The following UBE2E3 variants were observed in gnomAD, a reference collection of about 807,000 sequenced individuals.
UBE2E3 encodes the protein ubiquitin conjugating enzyme E2 E3, also known as ubiquitin-conjugating enzyme E2 E3.
In UBE2E3, 5 loss-of-function variants were observed where a neutral mutation model predicts 23.6. That is an observed-to-expected ratio of 0.21 (90% CI 0.11 to 0.44). UBE2E3 has a LOEUF of 0.44. Ranked by LOEUF, UBE2E3 falls within the 20% of genes least tolerant of loss-of-function variation. The probability of loss-of-function intolerance (pLI) is 0.99; values close to 1 mark genes in which losing one functional copy is unlikely to be tolerated. For synonymous variants in UBE2E3, 78 were observed against 87.5 expected, an observed-to-expected ratio of 0.89 and a Z score of 0.60; for missense variants, 81 against 249.8, an observed-to-expected ratio of 0.32 and a Z score of 4.55.
chr2:180,993,593 C>A (rs1047091220), intron 3 of UBE2E3, among the ~76,000 whole-genome samples: 2 of 152,134 alleles, frequency 1.3e-5, no homozygotes, highest in Non-Finnish European at 2.9e-5. Context: ...TCATGATCCC[C>A]CTTTACATCC....
chr2:180,995,870 A>G (rs527244897), intron 3 of UBE2E3, among the ~76,000 whole-genome samples: 2 of 152,146 alleles, frequency 1.3e-5, no homozygotes, highest in Non-Finnish European at 2.9e-5. Context: ...GTTAGCAGCC[A>G]TTGGAATACA....
intron 2 of UBE2E3, 84 bp from the exon 3 acceptor site, chr2:180,983,959 C>G: frequency 9.3e-7 from 1 of 1,075,074 alleles, no homozygotes; most frequent in Non-Finnish European, 1.3e-6. Flanking sequence ...CATTTAACTG[C>G]ATGGTGGTAG....
At chr2:181,044,441 C>T (rs1443467866) in intron 3 of UBE2E3, among the ~76,000 whole-genome samples, 1 of 151,954 alleles carries the variant, frequency 6.6e-6, no homozygotes, top group Non-Finnish European at 1.5e-5. Context: ...AAACCCAGAT[C>T]ATAAGGGATA....
At chr2:181,039,758 C>T (rs571729782) in intron 3 of UBE2E3, among the ~76,000 whole-genome samples, 4 of 152,234 alleles carry the variant, frequency 2.6e-5, no homozygotes, top group African/African-American at 7.2e-5. Flanking sequence ...AATGTCATCC[C>T]GTGGTATCCT....
At chr2:181,005,142 A>G (rs1685111958) in intron 3 of UBE2E3, among the ~76,000 whole-genome samples, 1 of 152,242 alleles carries the variant, frequency 6.6e-6, no homozygotes, top group South Asian at 2.1e-4. Flanking sequence ...AAGTCAGAGT[A>G]GATTTGGCAT....
intron 3 of UBE2E3, among the ~76,000 whole-genome samples, chr2:181,022,452 T>A (rs975698975): frequency 3.3e-5 from 5 of 152,094 alleles, no homozygotes; most frequent in Admixed American, 6.6e-5. Flanking sequence ...ATTATGTAAA[T>A]TAATACATAA....
intron 3 of UBE2E3, among the ~76,000 whole-genome samples, chr2:181,041,470 T>C (rs1022406940): frequency 2.6e-5 from 4 of 151,530 alleles, no homozygotes; most frequent in African/African-American, 9.7e-5. Context: ...AGATGGAGTC[T>C]CTCTCCGTCG....
chr2:181,036,591 G>T (rs767514029), intron 3 of UBE2E3, among the ~76,000 whole-genome samples: 73 of 152,312 alleles, frequency 4.8e-4, no homozygotes, highest in Non-Finnish European at 1.0e-3. Flanking sequence ...GTGAGGGGGT[G>T]TGGGGGTTAT....
chr2:180,997,257 T>C (rs1157302451), intron 3 of UBE2E3, among the ~76,000 whole-genome samples: 1 of 152,094 alleles, frequency 6.6e-6, no homozygotes, highest in Non-Finnish European at 1.5e-5. Context: ...CTATTTATTT[T>C]TTTTCTGTCC....
intron 3 of UBE2E3, among the ~76,000 whole-genome samples, chr2:180,992,192 G>A (rs1407665311): frequency 6.6e-6 from 1 of 152,028 alleles, no homozygotes; most frequent in Non-Finnish European, 1.5e-5. Context: ...GAAACTATCA[G>A]TGTCTACTCG....
At chr2:181,017,164 G>A (rs1449960689) in intron 3 of UBE2E3, among the ~76,000 whole-genome samples, 1 of 152,034 alleles carries the variant, frequency 6.6e-6, no homozygotes, top group Non-Finnish European at 1.5e-5. Flanking sequence ...AGAGTGGGGA[G>A]AAGGTTAAAG....
rs1306353673 is a variant in UBE2E3 at position 180,994,051 on chromosome 2, A to T, written c.245+9958A>T. ...AGACATGTAATTTATATGGAATTCA[A>T]TGGCAGTTTTAACTAGTGTGCCTTT... On this transcript the variant is annotated intron_variant, in intron 3 of 5. Coordinates refer to ENST00000410062, the MANE Select transcript of UBE2E3 (RefSeq NM_006357.4). 2.0e-5 allele frequency among the ~76,000 whole-genome samples: 3 copies of T among 152,172 alleles called. No individual in the cohort carries two copies. In the South Asian group the frequency reaches 6.2e-4, roughly 31 times the overall value.
At chr2:181,061,460 C>T (rs953976503) in intron 5 of UBE2E3, among the ~76,000 whole-genome samples, 3 of 151,454 alleles carry the variant, frequency 2.0e-5, no homozygotes, top group Non-Finnish European at 4.4e-5. Flanking sequence ...GTGTCTGAAA[C>T]CAGTGCCTCC....
At chr2:181,021,902 A>G (rs1035988025) in intron 3 of UBE2E3, among the ~76,000 whole-genome samples, 2 of 152,068 alleles carry the variant, frequency 1.3e-5, no homozygotes, top group African/African-American at 4.8e-5. Flanking sequence ...GTTTAGAGTA[A>G]AAGTGCCCAG....
At chr2:181,019,491 A>G (rs1030029533) in intron 3 of UBE2E3, among the ~76,000 whole-genome samples, 2 of 152,182 alleles carry the variant, frequency 1.3e-5, no homozygotes, top group African/African-American at 4.8e-5. Flanking sequence ...GTTACTTTGG[A>G]AACCACAGCA....
intron 3 of UBE2E3, among the ~76,000 whole-genome samples, chr2:180,990,566 A>G (rs4666997): frequency 0.23 from 35,262 of 152,098 alleles, 4,456 homozygotes; most frequent in Non-Finnish European, 0.28. Flanking sequence ...GTTATTTTTT[A>G]TGTGAAACCA....
chr2:181,044,212 TGA>T (rs1686604346), intron 3 of UBE2E3, among the ~76,000 whole-genome samples: 1 of 152,102 alleles, frequency 6.6e-6, no homozygotes, highest in Admixed American at 6.6e-5. Flanking sequence ...TTTATTTTGT[TGA>T]GTTTGAGATG....
Position 181,043,312 on chromosome 2 carries a change from A to G in UBE2E3, c.246-14381A>G, listed in dbSNP as rs80258667. On this transcript the variant is annotated intron_variant, in intron 3 of 5. Transcript: ENST00000410062. ...GTAGCATATAAATTCAAGAGTAAGG[A>G]ATGATGGTGATGCCAGTCAACCAGA... Among the ~76,000 whole-genome samples, 409 of 152,348 alleles carry G rather than the reference A, an allele frequency of 2.7e-3. 5 individuals carry two copies. The East Asian group carries it at 0.035, about 13-fold the overall frequency.
In UBE2E3 at chr2:180,982,014, A is replaced by G. The variant is rs1369161032; in HGVS notation, c.-25-4A>G. 2 of 1,588,678 alleles carry G rather than the reference A, an allele frequency of 1.3e-6. No individual in the cohort carries two copies. The highest frequency in any genetic ancestry group is 8.5e-7 in the Non-Finnish European group (1 of 1,169,968). ...TCCTCCTCCTCCCCTGTTCTCTTTA[A>G]AAGTTTTCCAAGAGATAACTTCACC... On this transcript the variant is annotated splice_region_variant and splice_polypyrimidine_tract_variant and intron_variant, in intron 1 of 5. Transcript: ENST00000410062.
Sources: gnomAD v4.1 joint callset for allele counts (sites outside exome capture counted in the v4.1 genomes callset) on GRCh38, gnomAD v4.1.1 for gene constraint, MANE v1.5 for transcripts, NCBI Gene and HGNC (gene_info 2026-07-23, HGNC 2026-07-21) for gene names.